Variants in EPHA3 observed in about 807,000 individuals in gnomAD.
EPHA3 encodes ephrin type-A receptor 3.
EPHA3 carries 42 observed loss-of-function variants against 107.1 expected under a neutral mutation model. The ratio of observed to expected loss-of-function variants is 0.39; its 90% CI spans 0.31 to 0.51. The LOEUF (loss-of-function observed/expected upper bound fraction) is 0.51, where lower values mean the gene tolerates loss of function less well. Ranked by LOEUF, EPHA3 falls within the 20% of genes least tolerant of loss-of-function variation. The pLI, the probability that EPHA3 is intolerant of heterozygous loss-of-function variation, is 0.78. For synonymous variants in EPHA3, 461 were observed against 424.8 expected (o/e 1.09, Z -1.05); for missense variants, 1,183 against 1,211.2 (o/e 0.98, Z 0.35).
intron 16 of EPHA3, among the ~76,000 whole-genome samples, chr3:89,475,003 C>T (rs754389603): frequency 5.3e-5 from 8 of 152,170 alleles, no homozygotes; most frequent in Non-Finnish European, 1.2e-4. Context: ...AATATTCCTT[C>T]TTCTGTCCTT....
At chr3:89,338,709 C>T (rs1707449429) in intron 3 of EPHA3, among the ~76,000 whole-genome samples, 2 of 152,128 alleles carry the variant, frequency 1.3e-5, no homozygotes, top group South Asian at 2.1e-4. Context: ...CCACTGTGCC[C>T]GGCTAATATT....
intron 3 of EPHA3, among the ~76,000 whole-genome samples, chr3:89,219,688 G>GTGTTTTTTTTTGTTTTTTTGTTTTTTTGT: frequency 2.9e-5 from 1 of 34,440 alleles, no homozygotes; most frequent in African/African-American, 1.2e-4. Flanking sequence ...ATTTGGCAAT[G>GTGTTTTTTTTTGTTTTTTTGTTTTTTTGT]TTTTTTTTTT....
Position 89,209,954 on chromosome 3 carries a change from G to A in EPHA3, c.248G>A (p.Arg83Lys). 5.0e-6 allele frequency: 8 copies of A among 1,613,920 alleles called. No homozygotes were observed. Among genetic ancestry groups the A allele is most frequent in the Non-Finnish European group, 6.8e-6 (8 of 1,179,924 alleles). The change falls in exon 3 of 17, where the codon AGA becomes AAA. Residue 83 changes from arginine (R) to lysine (K), a missense_variant. By Grantham distance (26) the Arg-to-Lys change is conservative. Coordinates refer to ENST00000336596, the MANE Select transcript of EPHA3 (RefSeq NM_005233.6). ...GACCACAGTCAAAACAATTGGCTGA[G>A]AACAAACTGGGTCCCCAGGAACTCA... ...VMDHSQNNWL[R>K]TNWVPRNSAQ...
chr3:89,134,486 C>T (rs1301563462), intron 2 of EPHA3, among the ~76,000 whole-genome samples: 7 of 151,936 alleles, frequency 4.6e-5, no homozygotes, highest in African/African-American at 9.7e-5. Context: ...TTTGTCCTTG[C>T]GATAGTTTGC....
intron 5 of EPHA3, among the ~76,000 whole-genome samples, chr3:89,352,336 T>A (rs1388920043): frequency 6.6e-6 from 1 of 151,294 alleles, no homozygotes; most frequent in Non-Finnish European, 1.5e-5. Flanking sequence ...TTTTAATTTA[T>A]TTTTTGGCAT....
chr3:89,235,543 G>C (rs144225544), intron 3 of EPHA3, among the ~76,000 whole-genome samples: 37 of 151,902 alleles, frequency 2.4e-4, no homozygotes, highest in Non-Finnish European at 4.4e-4. Flanking sequence ...ATGCATGTAA[G>C]AGTGATGTTA....
intron 1 of EPHA3, among the ~76,000 whole-genome samples, chr3:89,110,854 G>C (rs1244289769): frequency 6.6e-6 from 1 of 151,930 alleles, no homozygotes; most frequent in Non-Finnish European, 1.5e-5. Flanking sequence ...AACCCTTTCA[G>C]AATTGGTAAA....
intron 3 of EPHA3, among the ~76,000 whole-genome samples, chr3:89,295,242 A>T (rs551726392): frequency 6.6e-6 from 1 of 152,198 alleles, no homozygotes; most frequent in Non-Finnish European, 1.5e-5. Context: ...CAGTGTACAT[A>T]CCTTAGTTAA....
At chr3:89,252,776 T>A (rs1312746805) in intron 3 of EPHA3, among the ~76,000 whole-genome samples, 3 of 151,714 alleles carry the variant, frequency 2.0e-5, no homozygotes, top group Non-Finnish European at 4.4e-5. Context: ...TCTTAAGAGA[T>A]GTCAACATCA....
At chr3:89,221,150 A>C (rs1242712986) in intron 3 of EPHA3, among the ~76,000 whole-genome samples, 1 of 151,588 alleles carries the variant, frequency 6.6e-6, no homozygotes, top group African/African-American at 2.4e-5. Context: ...CCTGAAGCTC[A>C]TCAGCCTGCT....
chr3:89,379,827 T>C (rs1370209827), intron 5 of EPHA3, among the ~76,000 whole-genome samples: 2 of 152,200 alleles, frequency 1.3e-5, no homozygotes, highest in African/African-American at 2.4e-5. Context: ...TTTTTATGTG[T>C]GAGTAAATTG....
chr3:89,185,828 G>A (rs1262788117), intron 2 of EPHA3, among the ~76,000 whole-genome samples: 1 of 152,076 alleles, frequency 6.6e-6, no homozygotes, highest in Non-Finnish European at 1.5e-5. Flanking sequence ...TTAGGGACAA[G>A]CAACAGGATT....
At chr3:89,180,577 T>G in intron 2 of EPHA3, among the ~76,000 whole-genome samples, 1 of 151,998 alleles carries the variant, frequency 6.6e-6, no homozygotes. Context: ...TCCTTATATA[T>G]GCAAAATGCA....
intron 3 of EPHA3, among the ~76,000 whole-genome samples, chr3:89,304,161 T>G (rs1706557072): frequency 6.6e-6 from 1 of 152,048 alleles, no homozygotes. Context: ...AACTGTGGTT[T>G]TCCCTCCAAC....
Position 89,395,332 on chromosome 3 carries a change from C to T in EPHA3, c.1307-505C>T, listed in dbSNP as rs184145712. 1.3e-3 allele frequency among the ~76,000 whole-genome samples: 196 copies of T among 152,250 alleles called. 1 individual carries two copies. The highest frequency in any genetic ancestry group is 3.5e-3 in the Admixed American group (54 of 15,286). The stretch of plus-strand genomic sequence containing the variant: ...TATGTCCTAAATCATATCTATTTTA[C>T]AATATACTAAATATTATTATTACCT... On this transcript the variant is annotated intron_variant, in intron 5 of 16. Transcript: ENST00000336596.
chr3:89,351,339 G>A (rs1202432808), intron 5 of EPHA3, among the ~76,000 whole-genome samples: 2 of 151,278 alleles, frequency 1.3e-5, no homozygotes, highest in Non-Finnish European at 3.0e-5. Flanking sequence ...TTTTAAGCCG[G>A]TCTGAAAAGC....
intron 2 of EPHA3, among the ~76,000 whole-genome samples, chr3:89,161,947 A>G (rs1453966780): frequency 6.6e-6 from 1 of 151,794 alleles, no homozygotes; most frequent in Non-Finnish European, 1.5e-5. Flanking sequence ...ACTGCACTCC[A>G]GCCTGGGTGA....
intron 3 of EPHA3, among the ~76,000 whole-genome samples, chr3:89,309,390 A>T (rs1706711474): frequency 1.3e-5 from 2 of 152,144 alleles, no homozygotes; most frequent in Admixed American, 1.3e-4. Flanking sequence ...TCTGGAAAAG[A>T]GATTAACAAA....
intron 2 of EPHA3, among the ~76,000 whole-genome samples, chr3:89,169,343 A>G (rs542601988): frequency 2.6e-4 from 39 of 152,284 alleles, no homozygotes; most frequent in African/African-American, 9.1e-4. Flanking sequence ...AATTATAAAC[A>G]TTTATATTAC....
Sources: allele counts gnomAD v4.1 joint callset (sites outside exome capture counted in the v4.1 genomes callset), GRCh38; gene constraint gnomAD v4.1.1; transcripts MANE v1.5; gene names NCBI Gene and HGNC (gene_info 2026-07-23, HGNC 2026-07-21).